IL20RA: variants seen among roughly 807,000 people sequenced by gnomAD.
IL20RA encodes the protein interleukin-20 receptor subunit alpha.
IL20RA carries 29 observed loss-of-function variants against 36.5 expected under a neutral mutation model. The ratio of observed to expected loss-of-function variants is 0.79; its 90% CI spans 0.59 to 1.08. IL20RA has a LOEUF of 1.08. IL20RA is among the 50% of genes least tolerant of loss of function. The pLI is 0.00. For missense variants in IL20RA, 652 were observed against 668.4 expected (o/e 0.98, Z 0.27); for synonymous variants, 279 against 267.1 (o/e 1.04, Z -0.43).
intron 1 of IL20RA, among the ~76,000 whole-genome samples, chr6:137,036,169 A>G (rs1401960321): frequency 6.6e-6 from 1 of 152,198 alleles, no homozygotes; most frequent in African/African-American, 2.4e-5. Flanking sequence ...ACCCTTCTGC[A>G]AAAGTTTTCC....
chr6:137,043,275 T>A (rs1033618185), intron 1 of IL20RA, among the ~76,000 whole-genome samples: 3 of 152,090 alleles, frequency 2.0e-5, no homozygotes, highest in African/African-American at 7.2e-5. Flanking sequence ...ATTTTTTTAA[T>A]GTTTAGTATA....
At position 137,017,112 on chromosome 6, in the gene IL20RA, G is replaced by A. The variant is rs778538803; in HGVS notation, c.89-9C>T. 2 of 1,611,370 alleles carry A rather than the reference G, an allele frequency of 1.2e-6. No individual in the cohort carries two copies. Among genetic ancestry groups the A allele is most frequent in the African/African-American group, 2.7e-5 (2 of 74,666 alleles). ...ACCAGAGACACAGGGAACTGAAAAA[G>A]GAGCAGAAAGGAATTGAGGTCTTAG... On this transcript the variant is annotated splice_polypyrimidine_tract_variant and intron_variant, in intron 1 of 6. Transcript: ENST00000316649.
chr6:137,017,401 C>T (rs1413680329), intron 1 of IL20RA, among the ~76,000 whole-genome samples: 1 of 152,068 alleles, frequency 6.6e-6, no homozygotes, highest in African/African-American at 2.4e-5. Flanking sequence ...CCAGCTGAGC[C>T]CAGCCTTCCA....
At chr6:137,014,917 C>T (rs999229048) in intron 2 of IL20RA, among the ~76,000 whole-genome samples, 8 of 152,172 alleles carry the variant, frequency 5.3e-5, no homozygotes, top group African/African-American at 1.9e-4. Context: ...CCACCTCATC[C>T]TCCAGGAAGA....
chr6:137,016,933 T>C (rs1289884684), intron 2 of IL20RA, 35 bp downstream of exon 2: 1 of 1,598,380 alleles, frequency 6.3e-7, no homozygotes, highest in African/African-American at 1.3e-5. Context: ...AGTCTTGTGT[T>C]TGTAAGCTAG....
intron 2 of IL20RA, 44 bp from the exon 3 acceptor site, chr6:137,011,496 C>A: frequency 7.7e-7 from 1 of 1,294,064 alleles, no homozygotes; most frequent in Non-Finnish European, 1.0e-6. Context: ...GCCCTCTATA[C>A]TTTACAATAA....
intron 6 of IL20RA, among the ~76,000 whole-genome samples, chr6:137,002,572 C>A (rs1214463759): frequency 6.6e-6 from 1 of 152,168 alleles, no homozygotes; most frequent in Non-Finnish European, 1.5e-5. Flanking sequence ...AGAAGTGATT[C>A]GCTGGGTGGG....
At chr6:137,004,596 G>C (rs776340433) in intron 6 of IL20RA, 25 bp downstream of exon 6, 1 of 1,609,416 alleles carries the variant, frequency 6.2e-7, no homozygotes, top group South Asian at 1.1e-5. Flanking sequence ...TTATAATAAA[G>C]AACCCTGCCA....
chr6:137,001,368 ATTG>A lies in IL20RA; in HGVS notation c.*187_*189del, dbSNP rs1253278461. The A allele has an allele frequency of 7.3e-5, 35 of 479,454 alleles. No homozygotes were observed. In the East Asian group the frequency reaches 1.0e-3, roughly 14 times the overall value. The allele number at this position is 479,454 out of a possible 1,614,324, so 29.7% of individuals were successfully genotyped here. On this transcript the variant is annotated 3_prime_UTR_variant, in exon 7 of 7. Transcript: ENST00000316649. Reference sequence around the variant, plus strand: ...CCCTGGACTCCAGAGGCCCACCATCATTGTTAAGAGACCTACATGCATGAACCA... The same window carrying A: ...CCCTGGACTCCAGAGGCCCACCATCATTAAGAGACCTACATGCATGAACCA...
chr6:137,008,601 T>C lies in IL20RA; in HGVS notation c.722A>G (p.Lys241Arg). The C allele has an allele frequency of 6.3e-7, 1 of 1,587,380 alleles. No individual in the cohort carries two copies. Among genetic ancestry groups the C allele is most frequent in the Non-Finnish European group, 8.6e-7 (1 of 1,168,134 alleles). ...PSEKQCARTL[K>R]DQSSEFKAKI... is the part of the protein sequence containing the mutation. Reference sequence around the variant, plus strand: ...AGCAAAGATTTTTTAAAGCTTACCTTTCAAAGTCCTGGCACACTGCTTCTC... The same window carrying C: ...AGCAAAGATTTTTTAAAGCTTACCTCTCAAAGTCCTGGCACACTGCTTCTC... The change falls in exon 5 of 7, where the codon AAA (lysine) becomes AGA (arginine). Residue 241 changes from lysine (K) to arginine (R), a missense_variant and splice_region_variant. By Grantham distance (26) the Lys-to-Arg change is conservative (BLOSUM62 2). Coordinates refer to ENST00000316649, the MANE Select transcript of IL20RA (RefSeq NM_014432.4).
intron 1 of IL20RA, among the ~76,000 whole-genome samples, chr6:137,030,190 C>T (rs1248076334): frequency 1.4e-5 from 2 of 143,220 alleles, no homozygotes; most frequent in Admixed American, 1.5e-4. Context: ...AAGTGGTCCT[C>T]CCTCCTCAGT....
chr6:137,037,399 G>A (rs952936660), intron 1 of IL20RA, among the ~76,000 whole-genome samples: 9 of 152,178 alleles, frequency 5.9e-5, no homozygotes, highest in Non-Finnish European at 1.0e-4. Context: ...ATCATCACAA[G>A]TTCTAGATAA....
At chr6:137,043,368 A>G (rs1001554508) in intron 1 of IL20RA, among the ~76,000 whole-genome samples, 1 of 152,014 alleles carries the variant, frequency 6.6e-6, no homozygotes, top group African/African-American at 2.4e-5. Context: ...CTGTCTCTCA[A>G]AGTGTTAGGA....
chr6:137,033,669 G>T (rs1319536324), intron 1 of IL20RA, among the ~76,000 whole-genome samples: 1 of 152,210 alleles, frequency 6.6e-6, no homozygotes, highest in Non-Finnish European at 1.5e-5. Flanking sequence ...CTCCCCAAAA[G>T]CCAAGCAGGT....
chr6:137,041,449 C>G (rs1776689365), intron 1 of IL20RA, among the ~76,000 whole-genome samples: 1 of 152,106 alleles, frequency 6.6e-6, no homozygotes, highest in African/African-American at 2.4e-5. Context: ...TGTGCTATTT[C>G]TGAAACTTCT....
chr6:137,008,657 G>A lies in IL20RA; in HGVS notation c.666C>T (p.Val222=), dbSNP rs770045914. 1 of 1,608,600 alleles carries A rather than the reference G, an allele frequency of 6.2e-7. No homozygotes were observed. Among genetic ancestry groups the A allele is most frequent in the Non-Finnish European group, 8.5e-7 (1 of 1,177,608 alleles). ...TLYCVHVESF[V]PGPPRRAQPS... is the part of the protein sequence containing the mutation. ...GCTGAGCACGGCGAGGGGGCCCTGG[G>A]ACGAAGGACTCCACGTGTACGCAGT... The change falls in exon 5 of 7, where the codon GTC becomes GTT. Residue 222 remains valine (V), a synonymous_variant. Transcript: ENST00000316649.
intron 1 of IL20RA, among the ~76,000 whole-genome samples, chr6:137,026,014 CAGTACAGAAAG>C: frequency 6.6e-6 from 1 of 152,282 alleles, no homozygotes; most frequent in East Asian, 1.9e-4. Flanking sequence ...ATTCATTAAT[CAGTACAGAAAG>C]CAAACAAATC....
chr6:137,025,681 A>G (rs1303943797), intron 1 of IL20RA, among the ~76,000 whole-genome samples: 4 of 152,204 alleles, frequency 2.6e-5, no homozygotes, highest in Non-Finnish European at 5.9e-5. Context: ...CAGCTGCTAC[A>G]TTTGTTCTAA....
intron 1 of IL20RA, among the ~76,000 whole-genome samples, chr6:137,043,445 T>G (rs975384387): frequency 9.2e-5 from 14 of 152,292 alleles, no homozygotes; most frequent in Admixed American, 7.8e-4. Flanking sequence ...TTTCTGTCTG[T>G]TAGTTGAAGG....
Sources: gnomAD v4.1 joint callset for allele counts (sites outside exome capture counted in the v4.1 genomes callset) on GRCh38, gnomAD v4.1.1 for gene constraint, MANE v1.5 for transcripts, NCBI Gene and HGNC (gene_info 2026-07-23, HGNC 2026-07-21) for gene names.